Variants in TENM3 observed in about 807,000 individuals in gnomAD.
TENM3 encodes teneurin transmembrane protein 3, also known as teneurin-3.
TENM3 carries 63 observed loss-of-function variants against 255.1 expected under a neutral mutation model. That is an observed-to-expected ratio of 0.25 (90% CI 0.20 to 0.30). The LOEUF is 0.30. Among genes scored for constraint, TENM3 ranks in the 10% least tolerant of loss-of-function variants. The pLI, the probability that TENM3 is intolerant of heterozygous loss-of-function variation, is 1.00. For synonymous variants in TENM3, 1,306 were observed against 1,322.3 expected, an observed-to-expected ratio of 0.99 and a Z score of 0.27; for missense variants, 2,929 against 3,461.1, an observed-to-expected ratio of 0.85 and a Z score of 3.86.
rs1269326544 is a variant in TENM3, at chr4:182,319,833, C to G, written c.-75-4113C>G. 3.9e-5 allele frequency among the ~76,000 whole-genome samples: 6 copies of G among 152,286 alleles called. No individual in the cohort carries two copies. In the East Asian group the frequency reaches 1.2e-3, roughly 29 times the overall value. ...TTGCCCTTGAAGATCCAAATGGGGC[C>G]GGGCACTGCAGCTCACGCCTGTAAA... On this transcript the variant is annotated intron_variant, in intron 1 of 27. Transcript: ENST00000511685.
At chr4:182,448,142 C>G (rs933563233) in intron 3 of TENM3, among the ~76,000 whole-genome samples, 1 of 152,170 alleles carries the variant, frequency 6.6e-6, no homozygotes, top group Admixed American at 6.5e-5. Context: ...CTCCCCGGGT[C>G]GCGACACTGA....
chr4:182,656,593 C>G (rs113021101), intron 6 of TENM3, among the ~76,000 whole-genome samples: 5 of 152,140 alleles, frequency 3.3e-5, no homozygotes, highest in Non-Finnish European at 7.3e-5. Flanking sequence ...CACATCATCT[C>G]TTTAGAAATT....
the TENM3 span, among the ~76,000 whole-genome samples, chr4:181,750,919 T>C: frequency 6.6e-6 from 1 of 152,170 alleles, no homozygotes; most frequent in Non-Finnish European, 1.5e-5. Context: ...TCAATTACTT[T>C]GTTTTAATTT....
chr4:182,486,316 G>GGGT (rs1554074651), intron 3 of TENM3, among the ~76,000 whole-genome samples: 2 of 25,338 alleles, frequency 7.9e-5, no homozygotes, highest in Non-Finnish European at 4.1e-4. Context: ...AATTGTGTGT[G>GGGT]GGGGGGAGGG....
chr4:182,473,840 C>T lies in TENM3; in HGVS notation c.511+126911C>T, dbSNP rs1200452397. On this transcript the variant is annotated intron_variant, in intron 3 of 27. Transcript: ENST00000511685. ...AAGGTATGTTGGCACCACCTGTAGT[C>T]CCAGCTACTCTGGAGGCTGAGGCTG... Among the ~76,000 whole-genome samples the T allele has an allele frequency of 2.0e-5, 3 of 152,076 alleles. No homozygotes were observed. The East Asian group carries it at 5.8e-4, about 29-fold the overall frequency.
chr4:182,494,073 G>GT (rs1735539235), intron 3 of TENM3, among the ~76,000 whole-genome samples: 1 of 151,990 alleles, frequency 6.6e-6, no homozygotes, highest in Non-Finnish European at 1.5e-5. Context: ...TTGCAGATGG[G>GT]TTTCGTGCAT....
the TENM3 span, among the ~76,000 whole-genome samples, chr4:181,944,943 T>G: frequency 6.6e-6 from 1 of 152,010 alleles, no homozygotes; most frequent in East Asian, 2.0e-4. Flanking sequence ...AACTGCTCAT[T>G]TATCTGTCAG....
rs756575563 is a variant in TENM3, at chr4:182,793,338, C to A, written c.6666C>A (p.Gly2222=). Residue 2222 remains glycine, a synonymous_variant, in exon 26 of 28, where the codon GGC becomes GGA. Transcript: ENST00000511685. The surrounding 1 kb of genome is among the most constrained non-coding windows in gnomAD (Gnocchi z 5.7). ...LLTRVYSKGS[G]WTVIYRYDGL... ...CTCGAGTTTACAGTAAAGGCAGTGG[C>A]TGGACAGTGATCTACCGTTATGACG... is the stretch of plus-strand genomic sequence containing the variant. 1.2e-6 allele frequency: 2 copies of A among 1,613,638 alleles called. No individual in the cohort carries two copies. Among genetic ancestry groups the A allele is most frequent in the Non-Finnish European group, 1.7e-6 (2 of 1,179,646 alleles).
At chr4:182,623,070 G>T (rs1019822661) in intron 4 of TENM3, among the ~76,000 whole-genome samples, 3 of 150,924 alleles carry the variant, frequency 2.0e-5, no homozygotes, top group African/African-American at 7.3e-5. Context: ...GAGTGCAGTG[G>T]TGTGATCTCT....
chr4:181,473,591 C>T, the TENM3 span, among the ~76,000 whole-genome samples: 18 of 149,668 alleles, frequency 1.2e-4, no homozygotes, highest in East Asian at 3.3e-3. Flanking sequence ...GACTCTGTCT[C>T]AAAAAACAAC....
At chr4:182,360,145 G>A (rs1184241075) in intron 3 of TENM3, among the ~76,000 whole-genome samples, 3 of 144,000 alleles carry the variant, frequency 2.1e-5, no homozygotes, top group Non-Finnish European at 3.0e-5. Context: ...TTCCAACTAT[G>A]TGGTCAATTT....
At chr4:181,614,098 A>AT in the TENM3 span, among the ~76,000 whole-genome samples, 5 of 105,406 alleles carry the variant, frequency 4.7e-5, no homozygotes, top group East Asian at 8.2e-4. Flanking sequence ...TTCATACATA[A>AT]ATTTTTTCAT....
At chr4:182,652,249 TAG>T (rs1753374152) in intron 5 of TENM3, among the ~76,000 whole-genome samples, 1 of 152,224 alleles carries the variant, frequency 6.6e-6, no homozygotes, top group Admixed American at 6.5e-5. Context: ...AAAATAGTCT[TAG>T]GAAAAACACT....
the TENM3 span, among the ~76,000 whole-genome samples, chr4:182,136,314 G>A: frequency 9.9e-5 from 15 of 151,868 alleles, no homozygotes; most frequent in Non-Finnish European, 2.9e-5. Flanking sequence ...CTTGCCTCAT[G>A]AATTTCCAGG....
At chr4:181,970,139 G>T in the TENM3 span, among the ~76,000 whole-genome samples, 1 of 152,258 alleles carries the variant, frequency 6.6e-6, no homozygotes, top group Non-Finnish European at 1.5e-5. Context: ...AAGCTAAATA[G>T]TATTCATCTA....
intron 1 of TENM3, among the ~76,000 whole-genome samples, chr4:182,310,581 A>G (rs1226942467): frequency 6.6e-6 from 1 of 152,112 alleles, no homozygotes; most frequent in Non-Finnish European, 1.5e-5. Flanking sequence ...ATTCTTAACC[A>G]GTCCCTGAGA....
the TENM3 span, among the ~76,000 whole-genome samples, chr4:182,025,020 A>ATTTTTTTTTTTTTTTTTTTTTTTTTTTTT: frequency 8.3e-6 from 1 of 121,144 alleles, no homozygotes; most frequent in African/African-American, 3.4e-5. Context: ...ACAGGATTTC[A>ATTTTTTTTTTTTTTTTTTTTTTTTTTTTT]TTTTTTTTTT....
At chr4:182,119,153 A>T in the TENM3 span, among the ~76,000 whole-genome samples, 1 of 152,134 alleles carries the variant, frequency 6.6e-6, no homozygotes, top group African/African-American at 2.4e-5. Flanking sequence ...CCCTCCCCCC[A>T]GGTAGATTAG....
chr4:182,029,745 C>T, the TENM3 span, among the ~76,000 whole-genome samples: 1 of 151,904 alleles, frequency 6.6e-6, no homozygotes, highest in Non-Finnish European at 1.5e-5. Flanking sequence ...TTTGTATTAT[C>T]CTTGTATTCA....
Sources: allele counts gnomAD v4.1 joint callset (sites outside exome capture counted in the v4.1 genomes callset), GRCh38; gene constraint gnomAD v4.1.1; non-coding constraint Gnocchi (gnomAD v3.1); transcripts MANE v1.5; gene names NCBI Gene and HGNC (gene_info 2026-07-23, HGNC 2026-07-21).